The following UTS2B variants were observed in gnomAD, a reference collection of about 807,000 sequenced individuals.
The protein encoded by UTS2B is urotensin 2B.
Under a neutral mutation model 19.2 loss-of-function variants are expected in UTS2B, and 21 were observed. The observed-to-expected ratio is 1.09, with a 90% CI of 0.78 to 1.58. The LOEUF (loss-of-function observed/expected upper bound fraction) is 1.58. Ranked by LOEUF, UTS2B falls within the 40% of genes most tolerant of loss-of-function variation. The probability of loss-of-function intolerance (pLI) is 0.00; values close to 1 mark genes in which losing one functional copy is unlikely to be tolerated. For synonymous variants in UTS2B, 57 were observed against 50.2 expected, an observed-to-expected ratio of 1.14 and a Z score of -0.58; for missense variants, 138 against 130.3, an observed-to-expected ratio of 1.06 and a Z score of -0.29.
chr3:191,299,616 C>T (rs1470746442), intron 4 of UTS2B, among the ~76,000 whole-genome samples: 2 of 152,252 alleles, frequency 1.3e-5, no homozygotes, highest in African/African-American at 4.8e-5. Context: ...AAGCCTGCTG[C>T]AGTAGCTGAG....
At chr3:191,305,943 G>A (rs1717126527) in intron 3 of UTS2B, among the ~76,000 whole-genome samples, 1 of 151,698 alleles carries the variant, frequency 6.6e-6, no homozygotes, top group African/African-American at 2.4e-5. Flanking sequence ...GCTTTTTTTT[G>A]GGGGGTCAGG....
At chr3:191,326,280 C>A (rs997527757) in intron 2 of UTS2B, among the ~76,000 whole-genome samples, 1 of 151,770 alleles carries the variant, frequency 6.6e-6, no homozygotes, top group South Asian at 2.1e-4. Context: ...TTTCTAGATA[C>A]GCGGATATTA....
intron 7 of UTS2B, among the ~76,000 whole-genome samples, 180 bp downstream of exon 7, chr3:191,276,627 T>A (rs985789078): frequency 1.3e-5 from 2 of 152,218 alleles, no homozygotes; most frequent in African/African-American, 4.8e-5. Flanking sequence ...AGTTTTGTTT[T>A]GTTTTGTGTT....
chr3:191,308,870 A>G (rs950405524), intron 3 of UTS2B, among the ~76,000 whole-genome samples: 2 of 151,810 alleles, frequency 1.3e-5, no homozygotes, highest in African/African-American at 4.9e-5. Flanking sequence ...GAATGATCTT[A>G]TCTGTAGAGT....
intron 2 of UTS2B, among the ~76,000 whole-genome samples, chr3:191,316,676 G>C (rs529861859): frequency 6.6e-6 from 1 of 152,368 alleles, no homozygotes; most frequent in Non-Finnish European, 1.5e-5. Flanking sequence ...GCTGGTTGGT[G>C]CATTTACAAT....
intron 3 of UTS2B, among the ~76,000 whole-genome samples, chr3:191,304,974 C>T (rs945639963): frequency 2.0e-5 from 3 of 152,148 alleles, no homozygotes; most frequent in Admixed American, 6.5e-5. Context: ...TGATCTCCAG[C>T]TCCATCCATG....
Position 191,275,473 on chromosome 3 carries a change from G to C in UTS2B, c.241-128C>G, listed in dbSNP as rs369838621. On this transcript the variant is annotated intron_variant, in intron 7 of 8. Transcript: ENST00000340524. ...AGGCAGGCAGGTCACGAGGTCAGGC[G>C]ATCAAGACCATCCTGGCTAACACAG... 4 of 656,508 alleles carry C rather than the reference G, an allele frequency of 6.1e-6. No homozygotes were observed. In the Admixed American group the frequency reaches 7.0e-5, roughly 11 times the overall value. 40.7% of individuals were successfully genotyped at this position (656,508 alleles called of 1,614,324 possible). A position where few individuals can be genotyped will look rare whatever the true frequency, so the allele number is the denominator to read the frequency against.
Position 191,288,691 on chromosome 3 carries a change from T to C in UTS2B, c.-124-6378A>G, listed in dbSNP as rs138298208. On this transcript the variant is annotated intron_variant, in intron 4 of 8. Coordinates refer to ENST00000340524, the MANE Select transcript of UTS2B (RefSeq NM_198152.5). ...GTAAAAAAAAAACTACTTTTTTCTA[T>C]TTCTGTACAAAATTTTATGGGAATT... is the stretch of plus-strand genomic sequence containing the variant. Among the ~76,000 whole-genome samples the C allele has an allele frequency of 4.3e-3, 662 of 152,228 alleles. 9 individuals are homozygous for C. Among genetic ancestry groups the C allele is most frequent in the African/African-American group, 0.015 (628 of 41,538 alleles).
intron 4 of UTS2B, among the ~76,000 whole-genome samples, chr3:191,291,108 T>C (rs1163321854): frequency 3.9e-5 from 6 of 152,216 alleles, no homozygotes; most frequent in Admixed American, 6.5e-5. Flanking sequence ...CCTGAATTTG[T>C]TGAAATAAAG....
At chr3:191,271,200 C>CAAAAAAAAAAAAAAAAAA (rs66756396) in intron 8 of UTS2B, among the ~76,000 whole-genome samples, 8 of 52,768 alleles carry the variant, frequency 1.5e-4, no homozygotes, top group African/African-American at 5.0e-4. Flanking sequence ...GAGACTCTCT[C>CAAAAAAAAAAAAAAAAAA]AAAAAAAAAA....
intron 4 of UTS2B, among the ~76,000 whole-genome samples, chr3:191,301,149 A>T (rs1412124788): frequency 6.6e-6 from 1 of 152,178 alleles, no homozygotes; most frequent in Admixed American, 6.5e-5. Flanking sequence ...GGTGGATTTT[A>T]GCTGTCTTTC....
chr3:191,303,886 G>C (rs1234851578), intron 4 of UTS2B, among the ~76,000 whole-genome samples: 1 of 152,032 alleles, frequency 6.6e-6, no homozygotes, highest in Non-Finnish European at 1.5e-5. Flanking sequence ...AACAGGATGA[G>C]GCACACACTT....
At chr3:191,325,160 T>C (rs1218551405) in intron 2 of UTS2B, among the ~76,000 whole-genome samples, 3 of 152,168 alleles carry the variant, frequency 2.0e-5, no homozygotes, top group Non-Finnish European at 4.4e-5. Flanking sequence ...TGTTCTGTGA[T>C]GACAGAGAGT....
At chr3:191,275,402 C>A (rs113509375) in intron 7 of UTS2B, 57 bp from the exon 8 acceptor site, 2 of 1,443,504 alleles carry the variant, frequency 1.4e-6, no homozygotes, top group South Asian at 1.1e-5. Flanking sequence ...TGCTGTTGAC[C>A]GGGCGCGGTG....
At chr3:191,319,430 T>C (rs1717551247) in intron 2 of UTS2B, among the ~76,000 whole-genome samples, 1 of 152,234 alleles carries the variant, frequency 6.6e-6, no homozygotes, top group South Asian at 2.1e-4. Flanking sequence ...CACAACATGT[T>C]GGTATAGCAA....
At chr3:191,268,481 A>T (rs374948628) in intron 8 of UTS2B, 40 bp from the exon 9 acceptor site, 1 of 1,449,956 alleles carries the variant, frequency 6.9e-7, no homozygotes, top group African/African-American at 1.4e-5. Context: ...TTAGAAGTAT[A>T]TTTGATAAAA....
At chr3:191,291,568 T>C (rs1716718238) in intron 4 of UTS2B, among the ~76,000 whole-genome samples, 1 of 152,086 alleles carries the variant, frequency 6.6e-6, no homozygotes, top group African/African-American at 2.4e-5. Flanking sequence ...TTCTCCTGCC[T>C]CAGCCTCCTG....
chr3:191,304,015 G>A (rs770199766), intron 4 of UTS2B, among the ~76,000 whole-genome samples: 5 of 151,882 alleles, frequency 3.3e-5, no homozygotes, highest in Non-Finnish European at 7.4e-5. Context: ...TGTTGTGCCA[G>A]CTGGAGTGCA....
intron 8 of UTS2B, among the ~76,000 whole-genome samples, chr3:191,271,339 T>C (rs1716088812): frequency 1.3e-5 from 2 of 152,082 alleles, no homozygotes; most frequent in Admixed American, 6.6e-5. Flanking sequence ...TTACATTTCT[T>C]CCCTGCTATA....
Sources: gnomAD v4.1 joint callset for allele counts (sites outside exome capture counted in the v4.1 genomes callset) on GRCh38, gnomAD v4.1.1 for gene constraint, MANE v1.5 for transcripts, NCBI Gene and HGNC (gene_info 2026-07-23, HGNC 2026-07-21) for gene names.